CNTNAP5: variants seen among roughly 807,000 people sequenced by gnomAD.
CNTNAP5 encodes contactin associated protein family member 5, also known as contactin-associated protein-like 5.
CNTNAP5 carries 72 observed loss-of-function variants against 150.2 expected under a neutral mutation model. The ratio of observed to expected loss-of-function variants is 0.48; its 90% CI spans 0.40 to 0.58. The LOEUF is 0.58. CNTNAP5 is among the 20% of genes least tolerant of loss of function. The pLI, the probability that CNTNAP5 is intolerant of heterozygous loss-of-function variation, is 0.00. For synonymous variants in CNTNAP5, 672 were observed against 619.8 expected (o/e 1.08, Z -1.25); for missense variants, 1,636 against 1,626.2 (o/e 1.01, Z -0.10).
At chr2:124,262,001 T>C (rs1426514540) in intron 3 of CNTNAP5, among the ~76,000 whole-genome samples, 1 of 152,154 alleles carries the variant, frequency 6.6e-6, no homozygotes, top group Non-Finnish European at 1.5e-5. Context: ...CTCAGCACTT[T>C]GAGAGGCTGA....
At chr2:124,487,432 T>C (rs1485143522) in intron 7 of CNTNAP5, among the ~76,000 whole-genome samples, 2 of 152,058 alleles carry the variant, frequency 1.3e-5, no homozygotes, top group Non-Finnish European at 2.9e-5. Context: ...CATTTTAGGG[T>C]GAAGGTATGC....
At position 124,309,930 on chromosome 2, in the gene CNTNAP5, A is replaced by G. The variant is rs148792217; in HGVS notation, c.381+67537A>G. On this transcript the variant is annotated intron_variant, in intron 3 of 23. Transcript: ENST00000682447. ...ACAGGAACAGTGTCTTGCCTGTACT[A>G]GGCATCGGGAATATTTGTTGGGTTA... is the stretch of plus-strand genomic sequence containing the variant. Among the ~76,000 whole-genome samples the G allele has an allele frequency of 2.9e-3, 439 of 152,304 alleles. 2 individuals carry two copies. Among genetic ancestry groups the G allele is most frequent in the African/African-American group, 0.01 (419 of 41,576 alleles).
chr2:124,179,406 C>T (rs771457679), intron 1 of CNTNAP5, among the ~76,000 whole-genome samples: 6 of 152,020 alleles, frequency 3.9e-5, no homozygotes, highest in Non-Finnish European at 7.4e-5. Context: ...GTGATCTGCC[C>T]GCCTTGACCT....
chr2:124,608,773 C>G (rs1266205719), intron 11 of CNTNAP5, among the ~76,000 whole-genome samples: 1 of 151,716 alleles, frequency 6.6e-6, no homozygotes, highest in African/African-American at 2.4e-5. Context: ...GGTGAAACCC[C>G]GTCTCTACTA....
intron 1 of CNTNAP5, among the ~76,000 whole-genome samples, chr2:124,115,927 G>A (rs896121943): frequency 6.6e-6 from 1 of 151,860 alleles, no homozygotes; most frequent in Non-Finnish European, 1.5e-5. Context: ...ACAGGCATCA[G>A]CCACCATGCT....
At chr2:124,722,343 A>G (rs771169587) in intron 13 of CNTNAP5, among the ~76,000 whole-genome samples, 112 of 152,264 alleles carry the variant, frequency 7.4e-4, no homozygotes, top group Non-Finnish European at 1.4e-3. Flanking sequence ...ATCCTGCTGC[A>G]GAATTTTTCT....
rs372866655 is a variant in CNTNAP5, at chr2:124,541,450, C to A, written c.1649+13994C>A. ...AAAGTCAGCCTACTCAAAATAAACA[C>A]CAGTGTAAAGGTGGGACTGATATTT... On this transcript the variant is annotated intron_variant, in intron 10 of 23. Transcript: ENST00000682447. Among the ~76,000 whole-genome samples, 182 of 152,006 alleles carry A rather than the reference C, an allele frequency of 1.2e-3. 5 individuals are homozygous for A. In the South Asian group the frequency reaches 0.035, roughly 29 times the overall value.
At position 124,025,706 on chromosome 2, in the gene CNTNAP5, G is replaced by A. The variant is rs1680866675; in HGVS notation, c.56G>A (p.Trp19Ter). 6.2e-7 allele frequency: 1 copy of A among 1,613,834 alleles called. No homozygotes were observed. Among genetic ancestry groups the A allele is most frequent in the African/African-American group, 1.3e-5 (1 of 75,010 alleles). Residue 19 changes from tryptophan (W) to a stop codon, truncating the protein, a stop_gained, in exon 1 of 24, where the codon TGG (tryptophan) becomes TAG (stop). Coordinates refer to ENST00000682447, the MANE Select transcript of CNTNAP5 (RefSeq NM_001367498.1). LOFTEE classifies it high-confidence loss of function. ...SVLTLLFSGL[W>*]HLGLTATNYN... The stretch of plus-strand genomic sequence containing the variant: ...TTGACTTTGCTGTTCTCTGGCTTGT[G>A]GCATTTAGGATTAACAGCGACAAAC...
chr2:124,436,061 T>G (rs1692524205), intron 5 of CNTNAP5, among the ~76,000 whole-genome samples: 3 of 152,316 alleles, frequency 2.0e-5, no homozygotes, highest in African/African-American at 7.2e-5. Context: ...CATCAATACA[T>G]TTACTGGTTT....
chr2:124,100,531 T>C (rs565303254), intron 1 of CNTNAP5, among the ~76,000 whole-genome samples: 6 of 152,288 alleles, frequency 3.9e-5, no homozygotes, highest in African/African-American at 1.4e-4. Flanking sequence ...ATTTTTTTTC[T>C]AGGTCTGTAT....
At chr2:124,547,496 G>T (rs1404042811) in intron 10 of CNTNAP5, among the ~76,000 whole-genome samples, 5 of 152,206 alleles carry the variant, frequency 3.3e-5, no homozygotes, top group Non-Finnish European at 7.3e-5. Flanking sequence ...AGTAAAGGCA[G>T]GGGACATGTG....
chr2:124,620,800 A>G (rs1677598252), intron 12 of CNTNAP5, among the ~76,000 whole-genome samples: 2 of 152,006 alleles, frequency 1.3e-5, no homozygotes, highest in African/African-American at 4.8e-5. Flanking sequence ...TTCTAGCCTT[A>G]AAAAGTAGAT....
intron 3 of CNTNAP5, among the ~76,000 whole-genome samples, chr2:124,297,809 A>AT (rs376323846): frequency 0.011 from 1,077 of 95,234 alleles, 12 homozygotes; most frequent in Middle Eastern, 0.025. Context: ...ACATCCAATT[A>AT]TTTATTATTA....
intron 1 of CNTNAP5, among the ~76,000 whole-genome samples, chr2:124,097,642 C>G (rs181578529): frequency 6.6e-6 from 1 of 152,252 alleles, no homozygotes; most frequent in Non-Finnish European, 1.5e-5. Flanking sequence ...ACTTGAAGAA[C>G]AGTAAAGACA....
rs1679725248 is a variant in CNTNAP5 at position 124,707,880 on chromosome 2, T to G, written c.2078-39349T>G. On this transcript the variant is annotated intron_variant, in intron 13 of 23. Transcript: ENST00000682447. ...TACAATTATTATTCCAATTTGGACA[T>G]CTTACAGTAAAAGTGACGACAAATA... Among the ~76,000 whole-genome samples the G allele has an allele frequency of 3.3e-5, 5 of 152,338 alleles. No homozygotes were observed. In the South Asian group the frequency reaches 1.0e-3, roughly 32 times the overall value.
intron 3 of CNTNAP5, among the ~76,000 whole-genome samples, chr2:124,398,143 G>A (rs987639353): frequency 6.6e-6 from 1 of 152,168 alleles, no homozygotes; most frequent in Non-Finnish European, 1.5e-5. Flanking sequence ...AGTTTGTGCA[G>A]GTGCCAGGGA....
intron 3 of CNTNAP5, among the ~76,000 whole-genome samples, chr2:124,395,879 A>G (rs949524618): frequency 1.3e-5 from 2 of 152,166 alleles, no homozygotes; most frequent in African/African-American, 4.8e-5. Context: ...AGAACAGAAA[A>G]GCTAAGTGTG....
At chr2:124,371,164 G>A (rs1016997547) in intron 3 of CNTNAP5, among the ~76,000 whole-genome samples, 2 of 152,076 alleles carry the variant, frequency 1.3e-5, no homozygotes, top group East Asian at 1.9e-4. Flanking sequence ...TAGGTTTTAC[G>A]ACCTGCTTCA....
chr2:124,454,198 A>T (rs111548554), intron 6 of CNTNAP5, among the ~76,000 whole-genome samples: 6,363 of 152,246 alleles, frequency 0.042, 159 homozygotes, highest in Non-Finnish European at 0.051. Context: ...AGGTAAAGGG[A>T]TGGAAAAAGA....
Sources: gnomAD v4.1 joint callset for allele counts (sites outside exome capture counted in the v4.1 genomes callset) on GRCh38, gnomAD v4.1.1 for gene constraint, MANE v1.5 for transcripts, NCBI Gene and HGNC (gene_info 2026-07-23, HGNC 2026-07-21) for gene names.